The following CMIP variants were observed in gnomAD, a reference collection of about 807,000 sequenced individuals.
CMIP encodes the protein c-Maf inducing protein, also known as C-Maf-inducing protein.
In CMIP, 13 loss-of-function variants were observed where a neutral mutation model predicts 97.3. That is an observed-to-expected ratio of 0.13 (90% confidence interval 0.09 to 0.21). The LOEUF (loss-of-function observed/expected upper bound fraction) is 0.21, where lower values mean the gene tolerates loss of function less well. CMIP is among the 10% of genes least tolerant of loss of function. The probability of loss-of-function intolerance (pLI) is 1.00; values close to 1 mark genes in which losing one functional copy is unlikely to be tolerated. For missense variants in CMIP, 847 were observed against 1,024.9 expected, an observed-to-expected ratio of 0.83 and a Z score of 2.37; for synonymous variants, 538 against 436.3, an observed-to-expected ratio of 1.23 and a Z score of -2.91.
intron 3 of CMIP, among the ~76,000 whole-genome samples, chr16:81,650,454 G>A (rs913447325): frequency 2.1e-4 from 32 of 152,266 alleles, no homozygotes; most frequent in Admixed American, 1.8e-3. Context: ...AGAGGAGAAG[G>A]GAGAGATGAC....
At chr16:81,566,014 G>A (rs2090977227) in intron 1 of CMIP, among the ~76,000 whole-genome samples, 1 of 152,178 alleles carries the variant, frequency 6.6e-6, no homozygotes, top group Non-Finnish European at 1.5e-5. Flanking sequence ...AACTCGGGAG[G>A]CCGAGGCAAA....
At chr16:81,611,854 C>A (rs2091837150) in intron 2 of CMIP, among the ~76,000 whole-genome samples, 1 of 152,248 alleles carries the variant, frequency 6.6e-6, no homozygotes, top group Admixed American at 6.5e-5. Flanking sequence ...AGAGGACATT[C>A]AGGCCCATGC....
At chr16:81,455,514 C>T (rs537844473) in intron 1 of CMIP, among the ~76,000 whole-genome samples, 42 of 152,374 alleles carry the variant, frequency 2.8e-4, no homozygotes, top group Non-Finnish European at 3.7e-4. Flanking sequence ...TGTAACCCCA[C>T]GGGCCTCTGG....
chr16:81,487,365 G>A (rs2089333336), intron 1 of CMIP, among the ~76,000 whole-genome samples: 1 of 152,220 alleles, frequency 6.6e-6, no homozygotes, highest in African/African-American at 2.4e-5. Flanking sequence ...AAACCTGGGT[G>A]GTCAGGGCCG....
intron 3 of CMIP, among the ~76,000 whole-genome samples, chr16:81,639,068 C>A (rs2092272337): frequency 6.6e-6 from 1 of 152,148 alleles, no homozygotes; most frequent in South Asian, 2.1e-4. Context: ...GTGGCTCAGT[C>A]CCTTCAAGGA....
At chr16:81,449,599 C>T (rs1056008762) in intron 1 of CMIP, among the ~76,000 whole-genome samples, 2 of 152,116 alleles carry the variant, frequency 1.3e-5, no homozygotes, top group African/African-American at 4.8e-5. Context: ...TACATACCCC[C>T]CTTCCCCCCA....
At position 81,453,790 on chromosome 16, in the gene CMIP, A is replaced by G. The variant is rs967916390; in HGVS notation, c.300+8249A>G. 6.6e-6 allele frequency among the ~76,000 whole-genome samples: 1 copy of G among 152,176 alleles called. No individual in the cohort carries two copies. Among genetic ancestry groups the G allele is most frequent in the African/African-American group, 2.4e-5 (1 of 41,442 alleles). The stretch of plus-strand genomic sequence containing the variant: ...TTGTGAAATGGGTCTGCCCTCCCCT[A>G]GGTCCTTCATTGTCAGGGGGATGGG... On this transcript the variant is annotated intron_variant, in intron 1 of 20. Coordinates refer to ENST00000537098, the MANE Select transcript of CMIP (RefSeq NM_198390.3). This position sits in a 1 kb window ranked among gnomAD's most constrained non-coding sequence, Gnocchi z 4.0.
At position 81,667,799 on chromosome 16, in the gene CMIP, A is replaced by AGAGTGTGT; in HGVS notation, c.826-2342_826-2341insAGTGTGTG. ...GAGAGAGAGAGAGAGAGAGAGAGAG[A>AGAGTGTGT]GTGTGTGTGTGTGTGTGTGTGTGTG... On this transcript the variant is annotated intron_variant, in intron 7 of 20. Coordinates refer to ENST00000537098, the MANE Select transcript of CMIP (RefSeq NM_198390.3). Among the ~76,000 whole-genome samples the AGAGTGTGT allele has an allele frequency of 8.1e-3, 473 of 58,114 alleles. 14 individuals are homozygous for AGAGTGTGT. Among genetic ancestry groups the AGAGTGTGT allele is most frequent in the Admixed American group, 0.027 (130 of 4,800 alleles). 38.1% of individuals were successfully genotyped at this position (58,114 alleles called of 152,430 possible). A position where few individuals can be genotyped will look rare whatever the true frequency, so the allele number is the denominator to read the frequency against.
chr16:81,623,212 A>C (rs2092016146), intron 3 of CMIP, among the ~76,000 whole-genome samples: 1 of 152,120 alleles, frequency 6.6e-6, no homozygotes, highest in Admixed American at 6.5e-5. Context: ...GCCCCACCCC[A>C]AAAATGTTAA....
chr16:81,574,670 C>G (rs1347694815), intron 1 of CMIP, among the ~76,000 whole-genome samples: 1 of 152,184 alleles, frequency 6.6e-6, no homozygotes, highest in Non-Finnish European at 1.5e-5. Flanking sequence ...GTTTTTTCTT[C>G]CACTTCTGAG....
intron 1 of CMIP, among the ~76,000 whole-genome samples, chr16:81,446,856 C>A (rs901256034): frequency 8.3e-6 from 1 of 120,920 alleles, no homozygotes; most frequent in Admixed American, 1.0e-4. Context: ...CCCCACCCCC[C>A]ACCCCAGAGC....
chr16:81,689,894 C>T lies in CMIP; in HGVS notation c.1389-1881C>T, dbSNP rs867741252. ...ATATGGCTAGCCAGTTTTCCCAGCACCATTTATCAAATAGGGAATCCTTTC... is the reference window on the plus strand; with the variant it reads ...ATATGGCTAGCCAGTTTTCCCAGCATCATTTATCAAATAGGGAATCCTTTC... On this transcript the variant is annotated intron_variant, in intron 10 of 20. Transcript: ENST00000537098. 3.9e-5 allele frequency among the ~76,000 whole-genome samples: 6 copies of T among 152,164 alleles called. No homozygotes were observed. In the South Asian group the frequency reaches 6.2e-4, roughly 16 times the overall value.
At chr16:81,457,163 G>A (rs572578097) in intron 1 of CMIP, among the ~76,000 whole-genome samples, 1 of 150,904 alleles carries the variant, frequency 6.6e-6, no homozygotes, top group South Asian at 2.1e-4. Context: ...TTTCTGCTTG[G>A]AACCCCTCCG....
At chr16:81,587,214 C>T (rs1042815023) in intron 1 of CMIP, among the ~76,000 whole-genome samples, 10 of 152,190 alleles carry the variant, frequency 6.6e-5, no homozygotes, top group African/African-American at 1.9e-4. Context: ...TCTAGGGGAG[C>T]GCACTGGACA....
intron 1 of CMIP, among the ~76,000 whole-genome samples, chr16:81,560,896 A>G (rs552565912): frequency 6.6e-6 from 1 of 152,352 alleles, no homozygotes; most frequent in Admixed American, 6.5e-5. Context: ...TATGATGTTC[A>G]CACAATGGCA....
At chr16:81,596,656 C>G (rs571096463) in intron 1 of CMIP, among the ~76,000 whole-genome samples, 99 of 152,282 alleles carry the variant, frequency 6.5e-4, no homozygotes, top group African/African-American at 2.2e-3. Flanking sequence ...CCAGCCCTCC[C>G]CAGAAGCTCC....
chr16:81,632,344 C>T (rs1242550092), intron 3 of CMIP, among the ~76,000 whole-genome samples: 3 of 152,226 alleles, frequency 2.0e-5, no homozygotes, highest in Non-Finnish European at 4.4e-5. Flanking sequence ...TTAGCAGCTG[C>T]ACGGGGCTTC....
Position 81,444,998 on chromosome 16 carries a change from C to T in CMIP, c.-244C>T, listed in dbSNP as rs1359862844. ...GCCGAGCCCGGTCAGCCGCCGCGAG[C>T]ATGCACCCGACGAGCTAGGAGGAAG... is the stretch of plus-strand genomic sequence containing the variant. On this transcript the variant is annotated 5_prime_UTR_variant, in exon 1 of 21. Transcript: ENST00000537098. 6.9e-6 allele frequency among the ~76,000 whole-genome samples: 1 copy of T among 144,104 alleles called. No individual in the cohort carries two copies. Among genetic ancestry groups the T allele is most frequent in the African/African-American group, 2.5e-5 (1 of 39,798 alleles). The allele number at this position is 144,104 out of a possible 152,430, so 94.5% of individuals were successfully genotyped here.
chr16:81,581,216 C>T (rs1396663376), intron 1 of CMIP, among the ~76,000 whole-genome samples: 3 of 152,106 alleles, frequency 2.0e-5, no homozygotes, highest in Non-Finnish European at 2.9e-5. Context: ...TTTTGGCTGT[C>T]GTGAATAAGC....
Sources: gnomAD v4.1 joint callset for allele counts (sites outside exome capture counted in the v4.1 genomes callset) on GRCh38, gnomAD v4.1.1 for gene constraint, Gnocchi (gnomAD v3.1) non-coding constraint, MANE v1.5 for transcripts, NCBI Gene and HGNC (gene_info 2026-07-23, HGNC 2026-07-21) for gene names.